ERI1: variants seen among roughly 807,000 people sequenced by gnomAD.
ERI1 encodes 3'-5' exoribonuclease 1.
Under a neutral mutation model 39.7 loss-of-function variants are expected in ERI1, and 39 were observed. That is an observed-to-expected ratio of 0.98 (90% confidence interval 0.76 to 1.28). The LOEUF is 1.28. ERI1 is among the 50% of genes most tolerant of loss of function. The pLI, the probability that ERI1 is intolerant of heterozygous loss-of-function variation, is 0.00. For missense variants in ERI1, 581 were observed against 416.9 expected, an observed-to-expected ratio of 1.39 and a Z score of -3.43; for synonymous variants, 204 against 149.6, an observed-to-expected ratio of 1.36 and a Z score of -2.65.
At position 9,030,370 on chromosome 8, in the gene ERI1, C is replaced by T; in HGVS notation, c.*336C>T. ...CTGTTCTGTTGAATGTCATATCTTA[C>T]TGGTGTTTAAATATGTAATGTGTTT... is the stretch of plus-strand genomic sequence containing the variant. On this transcript the variant is annotated 3_prime_UTR_variant, in exon 7 of 7. Coordinates refer to ENST00000250263, the MANE Select transcript of ERI1 (RefSeq NM_153332.4). The T allele has an allele frequency of 4.3e-6, 1 of 233,570 alleles. No individual in the cohort carries two copies. Among genetic ancestry groups the T allele is most frequent in the Non-Finnish European group, 8.6e-6 (1 of 115,652 alleles). 14.5% of individuals were successfully genotyped at this position (233,570 alleles called of 1,614,324 possible). A position where few individuals can be genotyped will look rare whatever the true frequency, so the allele number is the denominator to read the frequency against.
chr8:9,072,902 C>A (rs1229653361), intron 3 of ERI1, among the ~76,000 whole-genome samples: 1 of 152,254 alleles, frequency 6.6e-6, no homozygotes, highest in Non-Finnish European at 1.5e-5. Flanking sequence ...TCTTGCACCC[C>A]TTCCTTCAGC....
chr8:9,094,470 C>T (rs2117487113), intron 3 of ERI1, among the ~76,000 whole-genome samples: 1 of 152,298 alleles, frequency 6.6e-6, no homozygotes, highest in South Asian at 2.1e-4. Flanking sequence ...CAAAAACCCT[C>T]CCCACCATCT....
downstream of ERI1, among the ~76,000 whole-genome samples, chr8:9,034,412 A>G (rs1369548528): frequency 6.6e-6 from 1 of 152,162 alleles, no homozygotes; most frequent in Non-Finnish European, 1.5e-5. Context: ...GAGAAAGTCT[A>G]TTTATGTCAT....
intron 3 of ERI1, among the ~76,000 whole-genome samples, chr8:9,052,783 G>A (rs558754596): frequency 1.0e-3 from 154 of 152,258 alleles, no homozygotes; most frequent in Non-Finnish European, 1.3e-3. Context: ...CGAGTGGTTC[G>A]AATGTCTGTT....
Position 9,018,943 on chromosome 8 carries a change from T to C in ERI1, c.692+537T>C, listed in dbSNP as rs186770270. 7.2e-5 allele frequency among the ~76,000 whole-genome samples: 11 copies of C among 152,338 alleles called. No homozygotes were observed. The East Asian group carries it at 7.7e-4, about 11-fold the overall frequency. On this transcript the variant is annotated intron_variant, in intron 5 of 6. Coordinates refer to ENST00000250263, the MANE Select transcript of ERI1 (RefSeq NM_153332.4). The stretch of plus-strand genomic sequence containing the variant: ...GATCTTTTTTTTCCTTGAAACCTTA[T>C]AATTTCTATGGTATATACCATTCAT...
At chr8:9,053,589 C>A (rs545289147) in intron 3 of ERI1, among the ~76,000 whole-genome samples, 1 of 152,092 alleles carries the variant, frequency 6.6e-6, no homozygotes, top group Non-Finnish European at 1.5e-5. Context: ...TATGAGTCAC[C>A]GTAGTCTGTT....
rs113245883 is a variant in ERI1, at chr8:9,016,415, C to A, written c.582+10C>A. The A allele has an allele frequency of 4.6e-6, 7 of 1,535,566 alleles. No homozygotes were observed. Among genetic ancestry groups the A allele is most frequent in the African/African-American group, 1.4e-5 (1 of 72,266 alleles). On this transcript the variant is annotated intron_variant, in intron 4 of 6. Coordinates refer to ENST00000250263, the MANE Select transcript of ERI1 (RefSeq NM_153332.4). ...AACTGGAATTACTCAGGTTATAATT[C>A]TAAGTTCTTCTTTCTAGAGTTTGAA...
At chr8:9,095,379 G>A (rs75610528) in intron 3 of ERI1, among the ~76,000 whole-genome samples, 57 of 152,206 alleles carry the variant, frequency 3.7e-4, no homozygotes, top group African/African-American at 9.9e-4. Flanking sequence ...CTTGGAGTCC[G>A]TAGAGGGCTA....
chr8:9,094,678 A>T (rs971754426), intron 3 of ERI1, among the ~76,000 whole-genome samples: 1 of 152,184 alleles, frequency 6.6e-6, no homozygotes, highest in Admixed American at 6.5e-5. Flanking sequence ...CTGTTTTACA[A>T]TGTGAGTTCC....
chr8:9,079,120 A>G (rs1799296411), intron 3 of ERI1, among the ~76,000 whole-genome samples: 1 of 152,176 alleles, frequency 6.6e-6, no homozygotes, highest in South Asian at 2.1e-4. Flanking sequence ...TAGGGAGGGG[A>G]AAAAAGATTT....
At chr8:9,011,471 C>T (rs1434048874) in intron 2 of ERI1, 71 bp from the exon 3 acceptor site, 3 of 1,014,676 alleles carry the variant, frequency 3.0e-6, no homozygotes, top group East Asian at 2.5e-5. Flanking sequence ...AGCCCAGTGC[C>T]AGCAGGTGAG....
chr8:9,016,651 A>G (rs1817322852), intron 4 of ERI1, among the ~76,000 whole-genome samples: 1 of 151,960 alleles, frequency 6.6e-6, no homozygotes, highest in African/African-American at 2.4e-5. Context: ...TGTAAAATGC[A>G]TCAGCAAATT....
chr8:9,046,576 C>G (rs377539046), intron 3 of ERI1, among the ~76,000 whole-genome samples: 1 of 152,182 alleles, frequency 6.6e-6, no homozygotes, highest in East Asian at 1.9e-4. Flanking sequence ...AATAGCATCC[C>G]TAAAGAACAA....
At chr8:9,036,729 C>G (rs1297276778), downstream of ERI1, among the ~76,000 whole-genome samples, 1 of 151,736 alleles carries the variant, frequency 6.6e-6, no homozygotes, top group Non-Finnish European at 1.5e-5. Flanking sequence ...AAAAGAGGAG[C>G]AAGGTTGTGA....
intron 3 of ERI1, among the ~76,000 whole-genome samples, chr8:9,067,172 C>A (rs371273347): frequency 1.3e-5 from 2 of 151,866 alleles, no homozygotes; most frequent in Admixed American, 1.3e-4. Context: ...AAATATAAGC[C>A]CCCATTATTG....
chr8:9,005,737 G>T (rs564556249), intron 1 of ERI1, among the ~76,000 whole-genome samples: 10 of 151,818 alleles, frequency 6.6e-5, no homozygotes, highest in African/African-American at 2.4e-4. Context: ...CTCGTTATCC[G>T]CCCGCCTCGG....
intron 3 of ERI1, among the ~76,000 whole-genome samples, chr8:9,052,832 G>A (rs1798402719): frequency 6.6e-6 from 1 of 152,106 alleles, no homozygotes; most frequent in Admixed American, 6.5e-5. Flanking sequence ...CTAAGTTTAT[G>A]CTATTGAGGT....
intron 2 of ERI1, chr8:9,009,091 A>G (rs1316844303): frequency 2.2e-6 from 1 of 456,270 alleles, no homozygotes; most frequent in Non-Finnish European, 4.4e-6. Flanking sequence ...CCCAGGTGTG[A>G]AGATCAGTTG....
intron 3 of ERI1, chr8:9,099,895 C>G (rs1436791747): frequency 6.6e-6 from 1 of 152,300 alleles, no homozygotes; most frequent in Non-Finnish European, 1.5e-5. Flanking sequence ...ATGTGGCAAA[C>G]TACCAGTTCT....
Sources: gnomAD v4.1 joint callset for allele counts (sites outside exome capture counted in the v4.1 genomes callset) on GRCh38, gnomAD v4.1.1 for gene constraint, MANE v1.5 for transcripts, NCBI Gene and HGNC (gene_info 2026-07-23, HGNC 2026-07-21) for gene names.